Variants in CD163L1 observed in about 807,000 individuals in gnomAD.
CD163L1 encodes the protein scavenger receptor cysteine-rich type 1 protein M160.
CD163L1 carries 124 observed loss-of-function variants against 165.4 expected under a neutral mutation model. The ratio of observed to expected loss-of-function variants is 0.75; its 90% CI spans 0.65 to 0.87. The LOEUF is 0.87. Ranked by LOEUF, CD163L1 falls within the 40% of genes least tolerant of loss-of-function variation. CD163L1 has a pLI of 0.00. For synonymous variants in CD163L1, 585 were observed against 662.2 expected (o/e 0.88, Z 1.79); for missense variants, 1,525 against 1,799.9 (o/e 0.85, Z 2.76).
Position 7,368,309 on chromosome 12 carries a change from A to C in CD163L1, c.4073-112T>G. 3 of 593,212 alleles carry C rather than the reference A, an allele frequency of 5.1e-6. No individual in the cohort carries two copies. The South Asian group carries it at 6.8e-5, about 13-fold the overall frequency. The allele number at this position is 593,212 out of a possible 1,614,324, so 36.7% of individuals were successfully genotyped here. ...TTGCTGAGAAGAATAATGGCTATACATTTCAACATATTCATGAACAGTACG... is the reference window on the plus strand; with the variant it reads ...TTGCTGAGAAGAATAATGGCTATACCTTTCAACATATTCATGAACAGTACG... On this transcript the variant is annotated intron_variant, in intron 16 of 19. Coordinates refer to ENST00000313599, the MANE Select transcript of CD163L1 (RefSeq NM_174941.6). The surrounding 1 kb of genome is among the most constrained non-coding windows in gnomAD (Gnocchi z 4.3).
intron 18 of CD163L1, among the ~76,000 whole-genome samples, chr12:7,364,240 G>A (rs188903670): frequency 3.3e-5 from 5 of 152,082 alleles, no homozygotes; most frequent in South Asian, 2.1e-4. Context: ...ATTCAACATC[G>A]TTTTATAATG....
intron 4 of CD163L1, among the ~76,000 whole-genome samples, chr12:7,427,965 C>G (rs951132949): frequency 6.6e-6 from 1 of 152,182 alleles, no homozygotes; most frequent in South Asian, 2.1e-4. Context: ...TTCTGGCCTA[C>G]TTGGTAGTTA....
At chr12:7,346,217 T>A (rs1946669274), downstream of CD163L1, among the ~76,000 whole-genome samples, 1 of 152,210 alleles carries the variant, frequency 6.6e-6, no homozygotes, top group African/African-American at 2.4e-5. Flanking sequence ...TAGATCATCA[T>A]CATCTTTTAT....
At chr12:7,406,965 A>C in intron 4 of CD163L1, 113 bp from the exon 5 acceptor site, 1 of 954,580 alleles carries the variant, frequency 1.0e-6, no homozygotes, top group Non-Finnish European at 1.6e-6. Flanking sequence ...GATTCAATGA[A>C]TGTCTAACTC....
chr12:7,406,711 A>C lies in CD163L1; in HGVS notation c.908T>G (p.Leu303Trp). The C allele has an allele frequency of 6.2e-7, 1 of 1,614,074 alleles. No homozygotes were observed. The highest frequency in any genetic ancestry group is 8.5e-7 in the Non-Finnish European group (1 of 1,179,998). The part of the protein sequence containing the change: ...NAAADVVCKQ[L>W]GCGTALHFAG... ...GAAGTGAAGTGCGGTTCCACATCCC[A>C]ACTGCTTGCATACGACATCAGCTGC... The change falls in exon 5 of 20, where the codon TTG becomes TGG. Residue 303 changes from leucine (L) to tryptophan (W), a missense_variant. By Grantham distance (61) the Leu-to-Trp change is moderately conservative. Transcript: ENST00000313599.
At chr12:7,438,742 C>T in intron 2 of CD163L1, 1 of 1,191,852 alleles carries the variant, frequency 8.4e-7, no homozygotes, top group Non-Finnish European at 1.2e-6. Flanking sequence ...CTTGGCCACT[C>T]AACACGGGTT....
In CD163L1 at chr12:7,432,616, G is replaced by C. The variant is rs1192025009; in HGVS notation, c.566C>G (p.Ala189Gly). Residue 189 changes from alanine (A) to glycine (G), a missense_variant, in exon 4 of 20, where the codon GCT becomes GGT. Coordinates refer to ENST00000313599, the MANE Select transcript of CD163L1 (RefSeq NM_174941.6). This position sits in a 1 kb window ranked among gnomAD's most constrained non-coding sequence, Gnocchi z 4.2. ...TCCTAGTTGCCTGCACACCACGGCA[G>C]CAGTATTCAAGTTCCACCCATCATC... ...ICDDGWNLNT[A>G]AVVCRQLGCP... is the part of the protein sequence containing the mutation. 6 of 1,614,050 alleles carry C rather than the reference G, an allele frequency of 3.7e-6. No homozygotes were observed. The highest frequency in any genetic ancestry group is 1.1e-5 in the South Asian group (1 of 91,084).
chr12:7,405,952 T>G (rs1218609301), intron 5 of CD163L1, among the ~76,000 whole-genome samples: 1 of 152,138 alleles, frequency 6.6e-6, no homozygotes, highest in African/African-American at 2.4e-5. Flanking sequence ...TACAAAACTA[T>G]AAATAAACAG....
At position 7,375,986 on chromosome 12, in the gene CD163L1, A is replaced by G; in HGVS notation, c.2400T>C (p.Ala800=). Residue 800 remains alanine, a synonymous_variant, in exon 10 of 20, where the codon GCT becomes GCC. Transcript: ENST00000313599. ...SAHRQPRLVG[A]DMPCSGRVEV... ...CAACACGTCCAGAGCAGGGCATATC[A>G]GCTCCAACCAGCCTGGGCTGCCTGT... The G allele has an allele frequency of 1.2e-6, 2 of 1,614,086 alleles. No homozygotes were observed. Among genetic ancestry groups the G allele is most frequent in the East Asian group, 2.2e-5 (1 of 44,876 alleles).
At chr12:7,325,151 C>T in the CD163L1 span, among the ~76,000 whole-genome samples, 1 of 152,200 alleles carries the variant, frequency 6.6e-6, no homozygotes, top group Non-Finnish European at 1.5e-5. Context: ...ACATGCTGAT[C>T]GGTCAGACTT....
At chr12:7,371,803 T>G (rs1272139792) in intron 14 of CD163L1, among the ~76,000 whole-genome samples, 3 of 151,924 alleles carry the variant, frequency 2.0e-5, no homozygotes, top group Non-Finnish European at 4.4e-5. Flanking sequence ...ATGCTTTAGC[T>G]TGAGAAAATA....
chr12:7,438,334 T>A (rs1948767418), intron 2 of CD163L1, among the ~76,000 whole-genome samples: 1 of 152,144 alleles, frequency 6.6e-6, no homozygotes, highest in Non-Finnish European at 1.5e-5. Context: ...ATAAAAATAA[T>A]TTTTATAATG....
chr12:7,439,765 A>G, intron 2 of CD163L1: 1 of 1,613,534 alleles, frequency 6.2e-7, no homozygotes, highest in African/African-American at 1.3e-5. Context: ...AACTTTGTAA[A>G]GAATTTCACC....
At chr12:7,405,015 A>G (rs937361384) in intron 5 of CD163L1, among the ~76,000 whole-genome samples, 3 of 152,170 alleles carry the variant, frequency 2.0e-5, no homozygotes, top group Admixed American at 1.3e-4. Flanking sequence ...GAGAAGGCCA[A>G]TGTATCTAAC....
the CD163L1 span, among the ~76,000 whole-genome samples, chr12:7,333,764 C>T: frequency 1.5e-4 from 23 of 151,812 alleles, no homozygotes; most frequent in Non-Finnish European, 2.9e-4. Context: ...AAGAAGAAAA[C>T]AGAGAAGAAT....
chr12:7,422,920 C>T (rs932596076), intron 4 of CD163L1, among the ~76,000 whole-genome samples: 23 of 151,692 alleles, frequency 1.5e-4, no homozygotes, highest in Admixed American at 9.9e-4. Context: ...GAAAGATCAA[C>T]GAGACAGAAA....
Position 7,439,257 on chromosome 12 carries a change from G to A in CD163L1, c.124+1897C>T, listed in dbSNP as rs903792637. The A allele has an allele frequency of 2.3e-5, 36 of 1,553,984 alleles. No individual in the cohort carries two copies. The African/African-American group carries it at 3.3e-4, about 14-fold the overall frequency. On this transcript the variant is annotated intron_variant, in intron 2 of 19. Transcript: ENST00000313599. ...CTTTTTTTGTTTTTCTATTTTCTTT[G>A]GGATCTTCTCTTGTTTTCGTCTTTA...
rs954849076 is a variant in CD163L1, at chr12:7,398,886, G to A, written c.1409-302C>T. 1.3e-5 allele frequency among the ~76,000 whole-genome samples: 2 copies of A among 152,170 alleles called. No individual in the cohort carries two copies. Among genetic ancestry groups the A allele is most frequent in the African/African-American group, 4.8e-5 (2 of 41,440 alleles). On this transcript the variant is annotated intron_variant, in intron 6 of 19. Coordinates refer to ENST00000313599, the MANE Select transcript of CD163L1 (RefSeq NM_174941.6). The surrounding 1 kb of genome is among the most constrained non-coding windows in gnomAD (Gnocchi z 4.5). ...GATGAGCAACGTGGAAGCATGCAGA[G>A]AAGTTCTTTGAGGTATGGATACATT...
At chr12:7,334,791 A>G in the CD163L1 span, among the ~76,000 whole-genome samples, 2 of 152,260 alleles carry the variant, frequency 1.3e-5, no homozygotes, top group African/African-American at 4.8e-5. Context: ...ACTTCAGCAA[A>G]GTATCAGGAT....
Sources: gnomAD v4.1 joint callset for allele counts (sites outside exome capture counted in the v4.1 genomes callset) on GRCh38, gnomAD v4.1.1 for gene constraint, Gnocchi (gnomAD v3.1) non-coding constraint, MANE v1.5 for transcripts, NCBI Gene and HGNC (gene_info 2026-07-23, HGNC 2026-07-21) for gene names.